The following CSMD2 variants were observed in gnomAD, a reference collection of about 807,000 sequenced individuals.
The protein encoded by CSMD2 is CUB and Sushi multiple domains 2.
CSMD2 carries 130 observed loss-of-function variants against 398.5 expected under a neutral mutation model. That is an observed-to-expected ratio of 0.33 (90% CI 0.28 to 0.38). CSMD2 has a LOEUF of 0.38. Among genes scored for constraint, CSMD2 ranks in the 10% least tolerant of loss-of-function variants. The probability of loss-of-function intolerance (pLI) is 1.00; values close to 1 mark genes in which losing one functional copy is unlikely to be tolerated. For missense variants in CSMD2, 3,829 were observed against 4,764.9 expected, an observed-to-expected ratio of 0.80 and a Z score of 5.78; for synonymous variants, 1,828 against 1,908.5, an observed-to-expected ratio of 0.96 and a Z score of 1.10.
At position 33,580,915 on chromosome 1, in the gene CSMD2, C is replaced by A; in HGVS notation, c.7241-16G>T. 4 of 1,613,326 alleles carry A rather than the reference C, an allele frequency of 2.5e-6. No homozygotes were observed. The highest frequency in any genetic ancestry group is 3.4e-6 in the Non-Finnish European group (4 of 1,179,652). ...CCTGATGGACCTGGGGTGAGAAGGACGCAGGATTACAGACCATGGGAGCCA... is the reference window on the plus strand; with the variant it reads ...CCTGATGGACCTGGGGTGAGAAGGAAGCAGGATTACAGACCATGGGAGCCA... On this transcript the variant is annotated splice_polypyrimidine_tract_variant and intron_variant, in intron 47 of 70. Transcript: ENST00000373381.
At chr1:34,016,013 C>CTGTG (rs72213161) in intron 3 of CSMD2, among the ~76,000 whole-genome samples, 16,256 of 148,990 alleles carry the variant, frequency 0.11, 1,004 homozygotes, top group East Asian at 0.23. Context: ...ACTCCTTGCT[C>CTGTG]TGTGTGTGTG....
rs1232472846 is a variant in CSMD2, at chr1:33,788,672, T to A, written c.1591A>T (p.Asn531Tyr). 1.9e-6 allele frequency: 3 copies of A among 1,614,006 alleles called. No individual in the cohort carries two copies. Among genetic ancestry groups the A allele is most frequent in the Non-Finnish European group, 2.5e-6 (3 of 1,179,896 alleles). Reference protein sequence around the residue: ...TSVPDLIVSTNHQMWLLFQTD... With the variant: ...TSVPDLIVSTYHQMWLLFQTD... ...TGGAAGAGGAGCCACATTTGATGAT[T>A]GGTGCTGACAATGAGATCCGGGACC... The change falls in exon 12 of 71, where the codon AAT (asparagine) becomes TAT (tyrosine). Residue 531 changes from asparagine to tyrosine, a missense_variant. By Grantham distance (143) the Asn-to-Tyr change is moderately radical. This residue lies in a region of CSMD2 where 2,001 missense variants were observed against 2,567.1 expected (regional missense o/e 0.78). Coordinates refer to ENST00000373381, the MANE Select transcript of CSMD2 (RefSeq NM_001281956.2).
chr1:34,048,680 A>G (rs1652825505), intron 2 of CSMD2, among the ~76,000 whole-genome samples: 1 of 152,162 alleles, frequency 6.6e-6, no homozygotes, highest in Non-Finnish European at 1.5e-5. Context: ...TGGCCGCCAG[A>G]GCTGGTTTTG....
intron 50 of CSMD2, among the ~76,000 whole-genome samples, chr1:33,572,300 T>C (rs1458197323): frequency 1.3e-5 from 2 of 152,134 alleles, no homozygotes; most frequent in African/African-American, 4.8e-5. Context: ...TGGTGGTTTG[T>C]GGAAACATCT....
chr1:33,836,221 G>T (rs973939280), intron 6 of CSMD2, among the ~76,000 whole-genome samples: 1 of 152,204 alleles, frequency 6.6e-6, no homozygotes, highest in Non-Finnish European at 1.5e-5. Flanking sequence ...CGTTCGTCTG[G>T]AAGTTTTGTC....
intron 5 of CSMD2, chr1:33,885,346 T>C (rs1399571455): frequency 2.6e-5 from 4 of 152,110 alleles, no homozygotes; most frequent in African/African-American, 9.7e-5. Flanking sequence ...GCCTGGCTTA[T>C]GGAGGAGGCA....
At chr1:33,734,846 T>C (rs941523394) in intron 15 of CSMD2, among the ~76,000 whole-genome samples, 8 of 152,010 alleles carry the variant, frequency 5.3e-5, no homozygotes, top group African/African-American at 1.9e-4. Flanking sequence ...AGATAATTTA[T>C]CTTTTTTTGT....
intron 20 of CSMD2, among the ~76,000 whole-genome samples, chr1:33,715,771 C>T (rs1247189932): frequency 6.6e-6 from 1 of 152,188 alleles, no homozygotes; most frequent in East Asian, 1.9e-4. Flanking sequence ...GTCCTCTTTT[C>T]TCCCTGAATG....
intron 5 of CSMD2, among the ~76,000 whole-genome samples, chr1:33,888,807 G>A (rs138541932): frequency 0.014 from 2,094 of 147,768 alleles, 52 homozygotes; most frequent in African/African-American, 0.049. Context: ...TCCCTCTGTC[G>A]CCCAGGCTGG....
At chr1:34,055,539 T>C (rs547335256) in intron 2 of CSMD2, among the ~76,000 whole-genome samples, 2 of 152,328 alleles carry the variant, frequency 1.3e-5, no homozygotes, top group South Asian at 4.1e-4. Context: ...AATTTGCTAA[T>C]GTGGCTCATA....
intron 1 of CSMD2, among the ~76,000 whole-genome samples, chr1:34,105,147 A>G (rs1660406898): frequency 6.6e-6 from 1 of 152,168 alleles, no homozygotes; most frequent in African/African-American, 2.4e-5. Flanking sequence ...TTTTTACTAC[A>G]GATCTTAACA....
intron 6 of CSMD2, among the ~76,000 whole-genome samples, chr1:33,829,229 T>C (rs1391065317): frequency 2.0e-5 from 3 of 152,180 alleles, no homozygotes; most frequent in Admixed American, 6.5e-5. Context: ...AGCTGATTGA[T>C]GGTAGAACCT....
At chr1:34,009,357 G>A (rs1166955231) in intron 3 of CSMD2, among the ~76,000 whole-genome samples, 1 of 150,834 alleles carries the variant, frequency 6.6e-6, no homozygotes, top group Non-Finnish European at 1.5e-5. Flanking sequence ...TCGGGGGTGG[G>A]GGAAGGTGGA....
intron 2 of CSMD2, among the ~76,000 whole-genome samples, chr1:34,077,205 C>T (rs1425507721): frequency 6.6e-6 from 1 of 151,572 alleles, no homozygotes; most frequent in Non-Finnish European, 1.5e-5. Flanking sequence ...CGCCTGTAAT[C>T]CCAGCACTTT....
intron 44 of CSMD2, among the ~76,000 whole-genome samples, chr1:33,591,590 TA>T (rs1282237123): frequency 6.6e-6 from 1 of 152,204 alleles, no homozygotes; most frequent in Non-Finnish European, 1.5e-5. Flanking sequence ...AACATTTTCC[TA>T]AATCAGTGAA....
chr1:33,743,186 C>T (rs1484084086), intron 14 of CSMD2, 94 bp downstream of exon 14: 4 of 1,087,702 alleles, frequency 3.7e-6, no homozygotes, highest in Non-Finnish European at 5.3e-6. Flanking sequence ...CTGCCCCATC[C>T]ACACCTCCTC....
chr1:34,063,473 C>T (rs1014229857), intron 2 of CSMD2, among the ~76,000 whole-genome samples: 1 of 152,184 alleles, frequency 6.6e-6, no homozygotes, highest in Non-Finnish European at 1.5e-5. Flanking sequence ...GTTACAGGGC[C>T]CATGCAAGTC....
chr1:33,652,614 A>G (rs1287204078), intron 27 of CSMD2, among the ~76,000 whole-genome samples, 153 bp from the exon 28 acceptor site: 2 of 152,112 alleles, frequency 1.3e-5, no homozygotes. Context: ...GAAATGATGG[A>G]CTTCTACTTT....
chr1:33,663,172 A>G, intron 25 of CSMD2, 80 bp from the exon 26 acceptor site: 2 of 1,215,236 alleles, frequency 1.6e-6, no homozygotes, highest in Middle Eastern at 2.1e-4. Flanking sequence ...TCCTAAACCT[A>G]CGAAGACTGG....
Sources: allele counts gnomAD v4.1 joint callset (sites outside exome capture counted in the v4.1 genomes callset), GRCh38; gene constraint gnomAD v4.1.1; regional missense constraint gnomAD v4.1.1; transcripts MANE v1.5; gene names NCBI Gene and HGNC (gene_info 2026-07-23, HGNC 2026-07-21).